The following PDE6G variants were observed in gnomAD, a reference collection of about 807,000 sequenced individuals.
PDE6G encodes the protein rod cGMP 3',5'-cyclic phosphodiesterase subunit gamma.
In PDE6G, 10 loss-of-function variants were observed where a neutral mutation model predicts 10.9. That is an observed-to-expected ratio of 0.91 (90% CI 0.56 to 1.55). PDE6G has a LOEUF of 1.55. Among genes scored for constraint, PDE6G ranks in the 40% most tolerant of loss-of-function variants. PDE6G has a pLI of 0.00. For synonymous variants in PDE6G, 41 were observed against 42.8 expected (o/e 0.96, Z 0.16); for missense variants, 102 against 110.1 (o/e 0.93, Z 0.33).
upstream of PDE6G, among the ~76,000 whole-genome samples, chr17:81,657,331 C>A (rs143273344): frequency 2.2e-5 from 3 of 136,912 alleles, no homozygotes; most frequent in African/African-American, 5.3e-5. Context: ...TCCTGAGGGG[C>A]CTGGAGGAGG....
chr17:81,652,781 T>C (rs1283834919), intron 2 of PDE6G, among the ~76,000 whole-genome samples: 2 of 86,508 alleles, frequency 2.3e-5, no homozygotes, highest in Admixed American at 2.9e-4. Context: ...TCCATGTTTG[T>C]CAGGCTGGTC....
chr17:81,657,140 AC>A, upstream of PDE6G: 1 of 160,878 alleles, frequency 6.2e-6, no homozygotes, highest in Non-Finnish European at 1.4e-5. Context: ...GCTTAGAACA[AC>A]AGATGGAAGC....
Position 81,651,806 on chromosome 17 carries a change from A to G in PDE6G, c.147-121T>C. 1.9e-6 allele frequency: 2 copies of G among 1,055,002 alleles called. No individual in the cohort carries two copies. Among genetic ancestry groups the G allele is most frequent in the Non-Finnish European group, 2.9e-6 (2 of 701,422 alleles). 65.4% of individuals were successfully genotyped at this position (1,055,002 alleles called of 1,614,324 possible). A position where few individuals can be genotyped will look rare whatever the true frequency, so the allele number is the denominator to read the frequency against. On this transcript the variant is annotated intron_variant, in intron 2 of 3. Transcript: ENST00000331056. This position sits in a 1 kb window ranked among gnomAD's most constrained non-coding sequence, Gnocchi z 4.8. ...GTGTTTGGCTGGGAGCCCAGTGGGC[A>G]GAGACCCGCCTCCTCCCCAACCTCC...
chr17:81,652,336 G>A (rs1221602391), intron 2 of PDE6G, among the ~76,000 whole-genome samples: 2 of 152,166 alleles, frequency 1.3e-5, no homozygotes, highest in African/African-American at 4.8e-5. Context: ...GAGTGCAGTG[G>A]CGTGATCTCG....
At chr17:81,662,364 T>C (rs1173461044) in intron 1 of PDE6G, among the ~76,000 whole-genome samples, 3 of 152,158 alleles carry the variant, frequency 2.0e-5, no homozygotes, top group Admixed American at 2.0e-4. Context: ...GGCTCACACC[T>C]GTAATCCTAG....
At chr17:81,659,829 G>A (rs2036493698), upstream of PDE6G, among the ~76,000 whole-genome samples, 2 of 152,086 alleles carry the variant, frequency 1.3e-5, no homozygotes, top group Admixed American at 6.6e-5. Flanking sequence ...GCTCACGTCT[G>A]TAATCCCAGA....
rs34483867 is a variant in PDE6G, at chr17:81,653,543, G to A, written c.-59-179C>T. On this transcript the variant is annotated intron_variant, in intron 1 of 3. Transcript: ENST00000331056. The surrounding 1 kb of genome is among the most constrained non-coding windows in gnomAD (Gnocchi z 5.2). Reference sequence around the variant, plus strand: ...CTGCCAGCTTTGCTTGGGTCCACCCGCACGCTCCCATTCCCCTTGCCTAGT... The same window carrying A: ...CTGCCAGCTTTGCTTGGGTCCACCCACACGCTCCCATTCCCCTTGCCTAGT... 12 of 571,490 alleles carry A rather than the reference G, an allele frequency of 2.1e-5. No individual in the cohort carries two copies. The East Asian group carries it at 3.0e-4, about 14-fold the overall frequency. The allele number at this position is 571,490 out of a possible 1,614,324, so 35.4% of individuals were successfully genotyped here. A position where few individuals can be genotyped will look rare whatever the true frequency, so the allele number is the denominator to read the frequency against.
chr17:81,652,423 C>A (rs1245168646), intron 2 of PDE6G, among the ~76,000 whole-genome samples: 1 of 149,310 alleles, frequency 6.7e-6, no homozygotes, highest in East Asian at 2.0e-4. Flanking sequence ...ACTACAGGCG[C>A]CCGCCACCAC....
At chr17:81,655,466 C>T (rs117635060) in intron 1 of PDE6G, among the ~76,000 whole-genome samples, 30 of 152,352 alleles carry the variant, frequency 2.0e-4, no homozygotes, top group African/African-American at 2.9e-4. Flanking sequence ...TGAAGGGCCT[C>T]GGCCGCTCTG....
At position 81,653,328 on chromosome 17, in the gene PDE6G, C is replaced by G. The variant is rs780087818; in HGVS notation, c.-23G>C. The G allele has an allele frequency of 1.2e-6, 2 of 1,609,906 alleles. No individual in the cohort carries two copies. Among genetic ancestry groups the G allele is most frequent in the South Asian group, 1.1e-5 (1 of 91,068 alleles). ...CATGGTGAGGCTGACGGAGACACCG[C>G]GGCAACCTTGGCTCCTGGACTCCCT... On this transcript the variant is annotated 5_prime_UTR_variant, in exon 2 of 4. Transcript: ENST00000331056. The surrounding 1 kb of genome is among the most constrained non-coding windows in gnomAD (Gnocchi z 5.2).
At chr17:81,656,640 G>T, upstream of PDE6G, 1 of 707,476 alleles carries the variant, frequency 1.4e-6, no homozygotes, top group Non-Finnish European at 2.6e-6. Flanking sequence ...CCGAGGGGGG[G>T]CACAACCACC....
chr17:81,653,071 G>T lies in PDE6G; in HGVS notation c.146+89C>A. ...CTGGGACCACTCACCCAGTGAAGTG[G>T]CCCCAGGCTCTGCCCCGCCCTCCCC... On this transcript the variant is annotated intron_variant, in intron 2 of 3. Transcript: ENST00000331056. This position sits in a 1 kb window ranked among gnomAD's most constrained non-coding sequence, Gnocchi z 5.2. 1 of 1,468,708 alleles carries T rather than the reference G, an allele frequency of 6.8e-7. No homozygotes were observed. Among genetic ancestry groups the T allele is most frequent in the Non-Finnish European group, 9.5e-7 (1 of 1,048,924 alleles). 91.0% of individuals were successfully genotyped at this position (1,468,708 alleles called of 1,614,324 possible). A position where few individuals can be genotyped will look rare whatever the true frequency, so the allele number is the denominator to read the frequency against.
At position 81,653,209 on chromosome 17, in the gene PDE6G, G is replaced by C. The variant is rs754454113; in HGVS notation, c.97C>G (p.Arg33Gly). The C allele has an allele frequency of 1.9e-6, 3 of 1,614,068 alleles. No individual in the cohort carries two copies. The highest frequency in any genetic ancestry group is 1.3e-5 in the African/African-American group (1 of 75,012). ...TTGCTCTTGAACTGCCTGGTCTGTC[G>C]CTGCTTAAATTTAGGGGGCCCTTTC... ...PRKGPPKFKQRQTRQFKSKPP... is the reference protein window; with the variant it reads ...PRKGPPKFKQGQTRQFKSKPP... Residue 33 changes from arginine to glycine, a missense_variant, in exon 2 of 4, where the codon CGA becomes GGA. Coordinates refer to ENST00000331056, the MANE Select transcript of PDE6G (RefSeq NM_002602.4). This position sits in a 1 kb window ranked among gnomAD's most constrained non-coding sequence, Gnocchi z 5.2.
upstream of PDE6G, among the ~76,000 whole-genome samples, chr17:81,658,296 G>A (rs552036639): frequency 4.4e-4 from 67 of 151,850 alleles, no homozygotes; most frequent in Middle Eastern, 3.4e-3. Context: ...ATGTTAGCCA[G>A]GATGGTCTCA....
In PDE6G at chr17:81,651,171, G is replaced by C. The variant is rs745331157; in HGVS notation, c.188-21C>G. On this transcript the variant is annotated intron_variant, in intron 3 of 3. Transcript: ENST00000331056. The surrounding 1 kb of genome is among the most constrained non-coding windows in gnomAD (Gnocchi z 4.8). ...GATGTCTGTGGGAGAAACGGGCCAC[G>C]GATCAGAGAGGATCCCACGGCCTAG... 2.5e-6 allele frequency: 4 copies of C among 1,571,188 alleles called. No homozygotes were observed. The East Asian group carries it at 9.0e-5, about 35-fold the overall frequency.
At chr17:81,660,651 C>G (rs2036501761), upstream of PDE6G, among the ~76,000 whole-genome samples, 1 of 152,160 alleles carries the variant, frequency 6.6e-6, no homozygotes, top group East Asian at 1.9e-4. Context: ...ACCACCACAC[C>G]CGGCTAATTT....
Position 81,651,785 on chromosome 17 carries a change from T to C in PDE6G, c.147-100A>G. On this transcript the variant is annotated intron_variant, in intron 2 of 3. Transcript: ENST00000331056. The surrounding 1 kb of genome is among the most constrained non-coding windows in gnomAD (Gnocchi z 4.8). ...CTAGCCTTCCTAGGAGATGAGGTGT[T>C]TGGCTGGGAGCCCAGTGGGCAGAGA... The C allele has an allele frequency of 4.5e-6, 6 of 1,344,826 alleles. No homozygotes were observed. Among genetic ancestry groups the C allele is most frequent in the Non-Finnish European group, 4.2e-6 (4 of 956,636 alleles). 83.3% of individuals were successfully genotyped at this position (1,344,826 alleles called of 1,614,324 possible). A position where few individuals can be genotyped will look rare whatever the true frequency, so the allele number is the denominator to read the frequency against.
At chr17:81,655,146 T>C (rs1351333899) in intron 1 of PDE6G, among the ~76,000 whole-genome samples, 1 of 152,072 alleles carries the variant, frequency 6.6e-6, no homozygotes. Flanking sequence ...CTTCACCCAC[T>C]CACGGAGGCA....
chr17:81,656,330 C>T (rs982733171), intron 1 of PDE6G, among the ~76,000 whole-genome samples, 163 bp downstream of exon 1: 1 of 152,168 alleles, frequency 6.6e-6, no homozygotes, highest in Admixed American at 6.5e-5. Context: ...TGGGAGTCCC[C>T]TCTGAATAAC....
Sources: allele counts gnomAD v4.1 joint callset (sites outside exome capture counted in the v4.1 genomes callset), GRCh38; gene constraint gnomAD v4.1.1; non-coding constraint Gnocchi (gnomAD v3.1); transcripts MANE v1.5; gene names NCBI Gene and HGNC (gene_info 2026-07-23, HGNC 2026-07-21).